CSGALNACT1: variants seen among roughly 807,000 people sequenced by gnomAD.
CSGALNACT1 encodes beta4GalNAcT-1.
CSGALNACT1 carries 52 observed loss-of-function variants against 51.0 expected under a neutral mutation model. That is an observed-to-expected ratio of 1.02 (90% CI 0.82 to 1.29). The LOEUF is 1.29. Among genes scored for constraint, CSGALNACT1 ranks in the 50% most tolerant of loss-of-function variants. The pLI is 0.00. For synonymous variants in CSGALNACT1, 341 were observed against 254.4 expected (o/e 1.34, Z -3.24); for missense variants, 935 against 679.2 (o/e 1.38, Z -4.19).
At chr8:19,748,381 A>C (rs952313742) in intron 1 of CSGALNACT1, among the ~76,000 whole-genome samples, 1 of 152,184 alleles carries the variant, frequency 6.6e-6, no homozygotes, top group Non-Finnish European at 1.5e-5. Flanking sequence ...TTCAAGATAT[A>C]TTTGATTATA....
At chr8:19,596,204 G>T (rs1043829390) in intron 2 of CSGALNACT1, among the ~76,000 whole-genome samples, 1 of 151,920 alleles carries the variant, frequency 6.6e-6, no homozygotes, top group African/African-American at 2.4e-5. Context: ...TCACATTGTG[G>T]GTCAGAAACT....
intron 1 of CSGALNACT1, among the ~76,000 whole-genome samples, chr8:19,662,064 A>T (rs952446003): frequency 5.4e-5 from 2 of 37,088 alleles, no homozygotes; most frequent in African/African-American, 1.0e-4. Flanking sequence ...AGTTGCCCCC[A>T]CCCCCCCCCA....
intron 1 of CSGALNACT1, among the ~76,000 whole-genome samples, chr8:19,665,194 A>C (rs2059090610): frequency 6.6e-6 from 1 of 152,160 alleles, no homozygotes; most frequent in African/African-American, 2.4e-5. Flanking sequence ...TTGTATTTTT[A>C]GTGCAGACGG....
At chr8:19,688,902 C>T (rs1369410731) in intron 1 of CSGALNACT1, 1 of 152,264 alleles carries the variant, frequency 6.6e-6, no homozygotes, top group African/African-American at 2.4e-5. Flanking sequence ...ACTCGCCTAA[C>T]TGGGACAAAA....
Position 19,484,580 on chromosome 8 carries a change from T to C in CSGALNACT1, c.634+20621A>G, listed in dbSNP as rs551279820. On this transcript the variant is annotated intron_variant, in intron 4 of 9. Transcript: ENST00000454498. ...AAAGGAAACGTTACTGGCATTCTCA[T>C]TTCAGGAGTCAAGTTGCCTGGTTGC... 8.5e-5 allele frequency among the ~76,000 whole-genome samples: 13 copies of C among 152,278 alleles called. No homozygotes were observed. The South Asian group carries it at 2.5e-3, about 29-fold the overall frequency.
At chr8:19,652,441 C>T (rs1389987311) in intron 1 of CSGALNACT1, among the ~76,000 whole-genome samples, 1 of 152,172 alleles carries the variant, frequency 6.6e-6, no homozygotes, top group Non-Finnish European at 1.5e-5. Context: ...GCATCCCCAC[C>T]TGTCTTTACC....
chr8:19,523,655 C>G (rs568023148), intron 3 of CSGALNACT1, among the ~76,000 whole-genome samples: 1 of 152,102 alleles, frequency 6.6e-6, no homozygotes, highest in Non-Finnish European at 1.5e-5. Context: ...ATGTTATAAA[C>G]AATGTGAATT....
At chr8:19,524,803 T>C (rs137988691) in intron 3 of CSGALNACT1, among the ~76,000 whole-genome samples, 93 of 152,236 alleles carry the variant, frequency 6.1e-4, no homozygotes, top group African/African-American at 2.0e-3. Flanking sequence ...CCCCGCTCAA[T>C]GACAGAACAG....
At chr8:19,440,758 G>GAACAATTAA (rs2061196012) in intron 5 of CSGALNACT1, among the ~76,000 whole-genome samples, 1 of 151,264 alleles carries the variant, frequency 6.6e-6, no homozygotes, top group South Asian at 2.1e-4. Flanking sequence ...CATTCAATTA[G>GAACAATTAA]GAAAAGAGGA....
At position 19,410,898 on chromosome 8, in the gene CSGALNACT1, C is replaced by A. The variant is rs1213134521; in HGVS notation, c.1228-2204G>T. ...CGAGGTTCCACCACCCACAGCTGTG[C>A]TGGGTCGCTAACTGGAAGGACGCGC... On this transcript the variant is annotated intron_variant, in intron 8 of 9. Transcript: ENST00000454498. 3.3e-5 allele frequency among the ~76,000 whole-genome samples: 5 copies of A among 152,336 alleles called. No individual in the cohort carries two copies. The East Asian group carries it at 7.7e-4, about 24-fold the overall frequency.
intron 4 of CSGALNACT1, among the ~76,000 whole-genome samples, chr8:19,503,060 T>C (rs2076683981): frequency 1.3e-5 from 2 of 152,260 alleles, no homozygotes; most frequent in Admixed American, 1.3e-4. Context: ...CCTAAGGCTC[T>C]GCTTCCTGTG....
At chr8:19,417,904 C>G (rs567592378) in intron 8 of CSGALNACT1, among the ~76,000 whole-genome samples, 5 of 152,336 alleles carry the variant, frequency 3.3e-5, no homozygotes, top group African/African-American at 1.2e-4. Context: ...AGATCCTCTT[C>G]TGGCTTGCCT....
chr8:19,555,736 C>T (rs1047210465), intron 3 of CSGALNACT1, among the ~76,000 whole-genome samples: 24 of 152,100 alleles, frequency 1.6e-4, no homozygotes, highest in Non-Finnish European at 1.3e-4. Flanking sequence ...TATTTCTACT[C>T]ACAATTGCTT....
chr8:19,562,459 G>T lies in CSGALNACT1; in HGVS notation c.-297+28701C>A, dbSNP rs571499234. ...ATCAAAAGCAAAAACTGACAAATGG[G>T]GTTCAATTAAACAGCTTCTGCACAG... On this transcript the variant is annotated intron_variant, in intron 3 of 9. Coordinates refer to ENST00000454498, the Ensembl canonical transcript of CSGALNACT1. Among the ~76,000 whole-genome samples the T allele has an allele frequency of 1.5e-4, 22 of 150,022 alleles. No homozygotes were observed. The South Asian group carries it at 3.0e-3, about 20-fold the overall frequency.
chr8:19,699,772 T>C lies in CSGALNACT1; in HGVS notation c.-297+58078A>G, dbSNP rs929983058. 1.4e-3 allele frequency among the ~76,000 whole-genome samples: 211 copies of C among 152,308 alleles called. 1 individual carries two copies. Among genetic ancestry groups the C allele is most frequent in the African/African-American group, 5.1e-3 (210 of 41,574 alleles). ...CACTGAATTGTACACTTAAACACTG[T>C]TAACACTGTAAATTTTATGTTCAGT... On this transcript the variant is annotated intron_variant, in intron 1 of 1. Transcript: ENST00000517494.
chr8:19,654,270 T>G (rs539276902), intron 1 of CSGALNACT1, among the ~76,000 whole-genome samples: 3 of 152,348 alleles, frequency 2.0e-5, no homozygotes, highest in Admixed American at 6.5e-5. Context: ...TACAAGGTCA[T>G]GTCCAGTTAG....
intron 1 of CSGALNACT1, among the ~76,000 whole-genome samples, chr8:19,635,092 T>C (rs576908162): frequency 3.0e-4 from 45 of 152,210 alleles, no homozygotes; most frequent in Non-Finnish European, 6.6e-4. Context: ...TATGGTCCTT[T>C]GCTTTCAATA....
upstream of CSGALNACT1, among the ~76,000 whole-genome samples, chr8:19,604,443 G>A (rs114590674): frequency 0.022 from 3,415 of 152,216 alleles, 136 homozygotes; most frequent in African/African-American, 0.078. Context: ...TACAAACACA[G>A]AAATGAGGCT....
chr8:19,405,935 T>C (rs1310704636), exon 10 of CSGALNACT1: 2 of 1,614,052 alleles, frequency 1.2e-6, no homozygotes, highest in Admixed American at 1.7e-5. Flanking sequence ...AGCTCGTCCA[T>C]GCAGCGCTTC....
Sources: gnomAD v4.1 joint callset for allele counts (sites outside exome capture counted in the v4.1 genomes callset) on GRCh38, gnomAD v4.1.1 for gene constraint, MANE v1.5 for transcripts, NCBI Gene and HGNC (gene_info 2026-07-23, HGNC 2026-07-21) for gene names.